Variants in MCM4 observed in about 807,000 individuals in gnomAD.
The protein encoded by MCM4 is DNA replication licensing factor MCM4.
A neutral mutation model predicts 88.7 loss-of-function variants in MCM4; 60 were observed. The observed-to-expected ratio is 0.68, with a 90% CI of 0.55 to 0.84. The LOEUF (loss-of-function observed/expected upper bound fraction) is 0.84, where lower values mean the gene tolerates loss of function less well. Ranked by LOEUF, MCM4 falls within the 40% of genes least tolerant of loss-of-function variation. The pLI, the probability that MCM4 is intolerant of heterozygous loss-of-function variation, is 0.00. For synonymous variants in MCM4, 465 were observed against 410.5 expected (o/e 1.13, Z -1.61); for missense variants, 1,149 against 1,105.5 (o/e 1.04, Z -0.56).
chr8:47,967,355 T>C lies in MCM4; in HGVS notation c.1054-10T>C. 6.2e-7 allele frequency: 1 copy of C among 1,614,146 alleles called. No individual in the cohort carries two copies. Among genetic ancestry groups the C allele is most frequent in the Non-Finnish European group, 8.5e-7 (1 of 1,179,982 alleles). On this transcript the variant is annotated splice_polypyrimidine_tract_variant and intron_variant, in intron 9 of 16. Transcript: ENST00000649973. ...TGTGGCCCACATGTTCTCTGTTTGC[T>C]GACCTTCAGATCAAGCTTCAGGAGT...
rs909735127 is a variant in MCM4 at position 47,962,213 on chromosome 8, C to T, written c.396C>T (p.Asp132=). The change falls in exon 4 of 17, where the codon GAC becomes GAT. Residue 132 remains aspartate (D), a synonymous_variant. Transcript: ENST00000649973. The part of the protein sequence containing the change: ...QKGLQVDLQS[D]GAAAEDIVAS... ...GCCTGCAAGTGGATCTGCAGTCTGA[C>T]GGGGTGAGTATGCAGTCTCCTGAAA... 2.0e-5 allele frequency: 33 copies of T among 1,613,966 alleles called. No individual in the cohort carries two copies. The highest frequency in any genetic ancestry group is 2.7e-5 in the Non-Finnish European group (32 of 1,180,020).
intron 11 of MCM4, 82 bp downstream of exon 11, chr8:47,970,139 G>C: frequency 1.4e-6 from 2 of 1,472,036 alleles, no homozygotes; most frequent in Non-Finnish European, 1.8e-6. Context: ...CGCCACTCGA[G>C]CCATCCGCCA....
At chr8:47,976,651 G>T in intron 16 of MCM4, 35 bp from the exon 17 acceptor site, 3 of 1,439,052 alleles carry the variant, frequency 2.1e-6, no homozygotes, top group Non-Finnish European at 2.9e-6. Context: ...GGGACTTGAC[G>T]TGTACAATAT....
chr8:47,978,080 C>T lies in MCM4; in HGVS notation c.*1302C>T, dbSNP rs1454074456. 2 of 151,646 alleles carry T rather than the reference C, an allele frequency of 1.3e-5. No individual in the cohort carries two copies. Among genetic ancestry groups the T allele is most frequent in the African/African-American group, 4.8e-5 (2 of 41,306 alleles). The allele number at this position is 151,646 out of a possible 1,614,324, so 9.4% of individuals were successfully genotyped here. A position where few individuals can be genotyped will look rare whatever the true frequency, so the allele number is the denominator to read the frequency against. On this transcript the variant is annotated 3_prime_UTR_variant, in exon 17 of 17. Transcript: ENST00000649973. ...TCTTTAAATGTGAATTAAATCCTAACAGTCATCTTTATAAAATGACCATAG... is the reference window on the plus strand; with the variant it reads ...TCTTTAAATGTGAATTAAATCCTAATAGTCATCTTTATAAAATGACCATAG...
chr8:47,969,682 G>A, intron 10 of MCM4, 116 bp from the exon 11 acceptor site: 1 of 1,036,572 alleles, frequency 9.6e-7, no homozygotes, highest in Non-Finnish European at 1.4e-6. Context: ...ACCCTTTCCA[G>A]GGCCAGCCCG....
rs749492481 is a variant in MCM4 at position 47,971,360 on chromosome 8, T to C, written c.1820T>C (p.Leu607Pro). The change falls in exon 13 of 17, where the codon CTC becomes CCC. Residue 607 changes from leucine (L) to proline (P), a missense_variant. Physicochemically the swap from Leu to Pro is moderately conservative, Grantham distance 98. Transcript: ENST00000649973. ...SIAKAGIICQ[L>P]NARTSVLAAA... ...TGATAGGCTGGGATCATCTGTCAGC[T>C]CAATGCGCGCACCTCTGTCCTGGCA... 1.2e-6 allele frequency: 2 copies of C among 1,614,088 alleles called. No homozygotes were observed. The highest frequency in any genetic ancestry group is 2.2e-5 in the South Asian group (2 of 91,076).
chr8:47,975,469 T>G, intron 15 of MCM4: 1 of 283,692 alleles, frequency 3.5e-6, no homozygotes, highest in South Asian at 9.4e-5. Flanking sequence ...TGTTAACCCA[T>G]TTTAGAGAAG....
At position 47,961,081 on chromosome 8, in the gene MCM4, G is replaced by A. The variant is rs886062973; in HGVS notation, c.-14-50G>A. On this transcript the variant is annotated intron_variant, in intron 1 of 16. Coordinates refer to ENST00000649973, the MANE Select transcript of MCM4 (RefSeq NM_182746.3). ...GGGAACGTCCGCGCTGCGGAGCAGG[G>A]CAGGGAAGCCGGGAGGCGGGCCCGG... The A allele has an allele frequency of 3.6e-4, 535 of 1,485,282 alleles. 1 individual carries two copies. The Middle Eastern group carries it at 4.0e-3, about 11-fold the overall frequency. 92.0% of individuals were successfully genotyped at this position (1,485,282 alleles called of 1,614,324 possible).
intron 10 of MCM4, among the ~76,000 whole-genome samples, chr8:47,968,489 G>A (rs1172679734): frequency 1.3e-5 from 2 of 152,206 alleles, no homozygotes; most frequent in Admixed American, 6.5e-5. Flanking sequence ...ACAAAGTGGA[G>A]TTAATGTGAT....
At position 47,967,318 on chromosome 8, in the gene MCM4, C is replaced by A. The variant is rs1292788175; in HGVS notation, c.1054-47C>A. 2.5e-6 allele frequency: 4 copies of A among 1,611,102 alleles called. No homozygotes were observed. In the Admixed American group the frequency reaches 6.7e-5, roughly 27 times the overall value. On this transcript the variant is annotated intron_variant, in intron 9 of 16. Coordinates refer to ENST00000649973, the MANE Select transcript of MCM4 (RefSeq NM_182746.3). ...ACAAAGACATGCAGATTTTGTCCCC[C>A]TGCCCTCTCTTTGTGGCCCACATGT...
chr8:47,962,272 G>A (rs769866093), intron 4 of MCM4, 33 bp from the exon 5 acceptor site: 3 of 1,614,078 alleles, frequency 1.9e-6, no homozygotes, highest in Non-Finnish European at 2.5e-6. Flanking sequence ...GGGTAACTCT[G>A]TTTTCATGAT....
At chr8:47,961,347 G>C (rs961291939) in intron 2 of MCM4, 133 bp downstream of exon 2, 20 of 1,473,008 alleles carry the variant, frequency 1.4e-5, no homozygotes, top group Non-Finnish European at 1.8e-5. Context: ...CGCTTGGTGC[G>C]CACAGACACC....
At chr8:47,961,969 G>A (rs1477915913) in intron 3 of MCM4, 84 bp from the exon 4 acceptor site, 7 of 1,277,194 alleles carry the variant, frequency 5.5e-6, no homozygotes, top group South Asian at 2.5e-5. Flanking sequence ...TTGCTGTTGC[G>A]ATTAGATGGT....
At chr8:47,961,335 G>A in intron 2 of MCM4, 121 bp downstream of exon 2, 1 of 1,455,232 alleles carries the variant, frequency 6.9e-7, no homozygotes, top group Non-Finnish European at 9.0e-7. Context: ...GCTGGGCGCT[G>A]CCGCTTGGTG....
At chr8:47,966,769 C>CT (rs1448676407) in intron 9 of MCM4, among the ~76,000 whole-genome samples, 3 of 152,138 alleles carry the variant, frequency 2.0e-5, no homozygotes, top group Non-Finnish European at 2.9e-5. Flanking sequence ...ATTTTACTGT[C>CT]TAAGAAGTTT....
At position 47,961,697 on chromosome 8, in the gene MCM4, C is replaced by G. The variant is rs1178584797; in HGVS notation, c.235+17C>G. 1.9e-6 allele frequency: 3 copies of G among 1,592,192 alleles called. No individual in the cohort carries two copies. The Admixed American group carries it at 5.2e-5, about 28-fold the overall frequency. On this transcript the variant is annotated intron_variant, in intron 3 of 16. Coordinates refer to ENST00000649973, the MANE Select transcript of MCM4 (RefSeq NM_182746.3). ...ATTCTTCAGGTGCGTGTCTGAAGAT[C>G]TTGGTTTTGCTGTGCTTGATACACA...
At chr8:47,962,551 A>G in intron 5 of MCM4, 145 bp downstream of exon 5, 1 of 840,036 alleles carries the variant, frequency 1.2e-6, no homozygotes, top group Non-Finnish European at 1.9e-6. Flanking sequence ...TGGGAGGCCA[A>G]GGTGGGAGGA....
chr8:47,967,955 G>A lies in MCM4; in HGVS notation c.1174+470G>A, dbSNP rs147558755. Among the ~76,000 whole-genome samples, 6 of 152,306 alleles carry A rather than the reference G, an allele frequency of 3.9e-5. No homozygotes were observed. The East Asian group carries it at 1.2e-3, about 29-fold the overall frequency. ...ACATTTGTTTGTTACAGAGAAAAATGAGTCAGTGACTTGTTTCCATGTGTA... is the reference window on the plus strand; with the variant it reads ...ACATTTGTTTGTTACAGAGAAAAATAAGTCAGTGACTTGTTTCCATGTGTA... On this transcript the variant is annotated intron_variant, in intron 10 of 16. Coordinates refer to ENST00000649973, the MANE Select transcript of MCM4 (RefSeq NM_182746.3).
chr8:47,969,661 C>T (rs933287573), intron 10 of MCM4, 137 bp from the exon 11 acceptor site: 10 of 757,706 alleles, frequency 1.3e-5, no homozygotes, highest in Middle Eastern at 2.7e-4. Context: ...ATTTAAGAGA[C>T]GGTGGAGCTC....
Sources: allele counts gnomAD v4.1 joint callset (sites outside exome capture counted in the v4.1 genomes callset), GRCh38; gene constraint gnomAD v4.1.1; transcripts MANE v1.5; gene names NCBI Gene and HGNC (gene_info 2026-07-23, HGNC 2026-07-21).